PRDM16: variants seen among roughly 807,000 people sequenced by gnomAD.
The protein encoded by PRDM16 is histone-lysine N-methyltransferase PRDM16.
PRDM16 carries 23 observed loss-of-function variants against 110.6 expected under a neutral mutation model. The ratio of observed to expected loss-of-function variants is 0.21; its 90% CI spans 0.15 to 0.29. PRDM16 has a LOEUF of 0.29. PRDM16 is among the 10% of genes least tolerant of loss of function. The pLI is 1.00. For missense variants in PRDM16, 1,615 were observed against 1,794.3 expected, an observed-to-expected ratio of 0.90 and a Z score of 1.81; for synonymous variants, 799 against 781.8, an observed-to-expected ratio of 1.02 and a Z score of -0.37.
At chr1:3,181,151 C>T (rs557321815) in intron 1 of PRDM16, among the ~76,000 whole-genome samples, 29 of 139,486 alleles carry the variant, frequency 2.1e-4, no homozygotes, top group African/African-American at 5.6e-4. Flanking sequence ...CTTACACACG[C>T]AGTCTTACAC....
intron 1 of PRDM16, among the ~76,000 whole-genome samples, chr1:3,082,079 C>G (rs1642041919): frequency 6.6e-6 from 1 of 152,210 alleles, no homozygotes; most frequent in African/African-American, 2.4e-5. Context: ...TGGCACCTGG[C>G]TTTCACTTCC....
At chr1:3,373,555 A>G (rs1266542325) in intron 3 of PRDM16, among the ~76,000 whole-genome samples, 1 of 152,042 alleles carries the variant, frequency 6.6e-6, no homozygotes, top group African/African-American at 2.4e-5. Flanking sequence ...CTTATGAAAA[A>G]CACCCCTGCA....
At chr1:3,186,858 G>A (rs2100799179) in intron 2 of PRDM16, among the ~76,000 whole-genome samples, 1 of 152,312 alleles carries the variant, frequency 6.6e-6, no homozygotes, top group East Asian at 1.9e-4. Flanking sequence ...TCCAGGCCAG[G>A]GCAGTGTGGA....
chr1:3,278,369 A>C (rs1445868554), intron 3 of PRDM16, among the ~76,000 whole-genome samples: 2 of 152,234 alleles, frequency 1.3e-5, no homozygotes, highest in Admixed American at 6.5e-5. Flanking sequence ...TCTGGATGGC[A>C]AACAGGGAGC....
chr1:3,366,569 AG>A, intron 3 of PRDM16, among the ~76,000 whole-genome samples: 1 of 152,294 alleles, frequency 6.6e-6, no homozygotes, highest in Non-Finnish European at 1.5e-5. Context: ...CAATTCAGAA[AG>A]GGGCTAGTAG....
rs968754681 is a variant in PRDM16, at chr1:3,069,759, G to C, written c.37+463G>C. 6.6e-6 allele frequency among the ~76,000 whole-genome samples: 1 copy of C among 152,042 alleles called. No individual in the cohort carries two copies. The highest frequency in any genetic ancestry group is 2.1e-4 in the South Asian group (1 of 4,836). On this transcript the variant is annotated intron_variant, in intron 1 of 16. Transcript: ENST00000270722. The surrounding 1 kb of genome is among the most constrained non-coding windows in gnomAD (Gnocchi z 6.1). ...CTCAGTCCTGGTCAAATCATATTCC[G>C]GGCTTTTGAAATAGTGGGCGCTAGA... is the stretch of plus-strand genomic sequence containing the variant.
chr1:3,182,080 G>A (rs74766941), intron 1 of PRDM16, among the ~76,000 whole-genome samples: 14,314 of 152,294 alleles, frequency 0.094, 876 homozygotes, highest in South Asian at 0.21. Context: ...TCTGGGGGCC[G>A]CCCTTCCCTG....
rs1462390844 is a variant in PRDM16, at chr1:3,165,915, ACTCACCTG to A, written c.38-20209_38-20202del. Among the ~76,000 whole-genome samples the A allele has an allele frequency of 2.8e-4, 38 of 137,002 alleles. 11 individuals carry two copies. The highest frequency in any genetic ancestry group is 1.2e-3 in the African/African-American group (38 of 32,884). 89.9% of individuals were successfully genotyped at this position (137,002 alleles called of 152,430 possible). On this transcript the variant is annotated intron_variant, in intron 1 of 16. Coordinates refer to ENST00000270722, the MANE Select transcript of PRDM16 (RefSeq NM_022114.4). The stretch of plus-strand genomic sequence containing the variant: ...GACTCACCTGGGCTCAGGGACAGGG[ACTCACCTG>A]GGCTCAGGGACAGGGACTCACCTTT...
At chr1:3,292,788 A>G (rs545343876) in intron 3 of PRDM16, among the ~76,000 whole-genome samples, 1 of 152,374 alleles carries the variant, frequency 6.6e-6, no homozygotes, top group East Asian at 1.9e-4. Context: ...CTCCACCAGC[A>G]CATCGGTGGG....
intron 1 of PRDM16, among the ~76,000 whole-genome samples, chr1:3,151,383 G>A (rs1041495143): frequency 2.0e-5 from 3 of 152,232 alleles, no homozygotes; most frequent in Admixed American, 6.5e-5. Flanking sequence ...AATAGACTCC[G>A]CTGCAAGGCG....
intron 3 of PRDM16, among the ~76,000 whole-genome samples, chr1:3,269,569 G>A (rs1640380730): frequency 6.7e-6 from 1 of 149,058 alleles, no homozygotes; most frequent in Admixed American, 6.7e-5. Flanking sequence ...CCCAGAGGAG[G>A]ACAGTCCCGG....
Position 3,271,229 on chromosome 1 carries a change from G to A in PRDM16, c.438+27092G>A, listed in dbSNP as rs532437257. Among the ~76,000 whole-genome samples, 21 of 152,330 alleles carry A rather than the reference G, an allele frequency of 1.4e-4. 1 individual carries two copies. The South Asian group carries it at 4.3e-3, about 32-fold the overall frequency. On this transcript the variant is annotated intron_variant, in intron 3 of 16. Coordinates refer to ENST00000270722, the MANE Select transcript of PRDM16 (RefSeq NM_022114.4). ...CTTATACAGATATCCCTCGAGGAAGGAACGAAGCATTTCCGCCAATCAAGG... is the reference window on the plus strand; with the variant it reads ...CTTATACAGATATCCCTCGAGGAAGAAACGAAGCATTTCCGCCAATCAAGG...
At chr1:3,099,224 G>A (rs763291080) in intron 1 of PRDM16, among the ~76,000 whole-genome samples, 13 of 152,222 alleles carry the variant, frequency 8.5e-5, no homozygotes, top group East Asian at 1.9e-4. Context: ...TGGACTGCCC[G>A]TCTGACCAAC....
chr1:3,225,563 T>TGCGC (rs1388335339), intron 2 of PRDM16, among the ~76,000 whole-genome samples: 2 of 123,198 alleles, frequency 1.6e-5, no homozygotes, highest in African/African-American at 7.4e-5. Flanking sequence ...TGTGTGTGTG[T>TGCGC]GTGTGTGTGT....
intron 4 of PRDM16, among the ~76,000 whole-genome samples, chr1:3,392,873 G>A (rs984994930): frequency 2.0e-5 from 3 of 152,322 alleles, no homozygotes; most frequent in African/African-American, 4.8e-5. Context: ...ACAAGAAGCC[G>A]CCTCTTTGTG....
At position 3,436,535 on chromosome 1, in the gene PRDM16, G is replaced by T. The variant is rs1261411663; in HGVS notation, c.*2724G>T. The stretch of plus-strand genomic sequence containing the variant: ...GCGTTTTCAGGAGGCCCTGTTCTTA[G>T]AGCCCCTGACAAAGGCAGCACTTAT... On this transcript the variant is annotated 3_prime_UTR_variant, in exon 17 of 17. Coordinates refer to ENST00000270722, the MANE Select transcript of PRDM16 (RefSeq NM_022114.4). 1.3e-5 allele frequency: 3 copies of T among 231,064 alleles called. No homozygotes were observed. Among genetic ancestry groups the T allele is most frequent in the Non-Finnish European group, 2.6e-5 (3 of 116,712 alleles). The allele number at this position is 231,064 out of a possible 1,614,324, so 14.3% of individuals were successfully genotyped here.
At chr1:3,181,855 CACACGCAGTCTT>C (rs1644210538) in intron 1 of PRDM16, among the ~76,000 whole-genome samples, 1 of 101,778 alleles carries the variant, frequency 9.8e-6, no homozygotes, top group Non-Finnish European at 2.3e-5. Flanking sequence ...CACGGTCTTA[CACACGCAGTCTT>C]ACACACGGTC....
At chr1:3,139,859 C>T (rs1643512820) in intron 1 of PRDM16, among the ~76,000 whole-genome samples, 5 of 152,248 alleles carry the variant, frequency 3.3e-5, no homozygotes, top group Admixed American at 2.6e-4. Context: ...AGACACCCAG[C>T]CACCTCTTTT....
At chr1:3,325,790 G>A (rs564309967) in intron 3 of PRDM16, among the ~76,000 whole-genome samples, 3 of 151,262 alleles carry the variant, frequency 2.0e-5, no homozygotes, top group Non-Finnish European at 4.4e-5. Context: ...CATCCTTGGC[G>A]ATCCTTGGCC....
Sources: allele counts gnomAD v4.1 joint callset (sites outside exome capture counted in the v4.1 genomes callset), GRCh38; gene constraint gnomAD v4.1.1; non-coding constraint Gnocchi (gnomAD v3.1); transcripts MANE v1.5; gene names NCBI Gene and HGNC (gene_info 2026-07-23, HGNC 2026-07-21).